TECPR2: variants seen among roughly 807,000 people sequenced by gnomAD.
The protein encoded by TECPR2 is tectonin beta-propeller repeat containing 2.
Under a neutral mutation model 138.1 loss-of-function variants are expected in TECPR2, and 65 were observed. That is an observed-to-expected ratio of 0.47 (90% CI 0.39 to 0.58). The LOEUF (loss-of-function observed/expected upper bound fraction) is 0.58. Ranked by LOEUF, TECPR2 falls within the 20% of genes least tolerant of loss-of-function variation. The probability of loss-of-function intolerance (pLI) is 0.00; values close to 1 mark genes in which losing one functional copy is unlikely to be tolerated. For missense variants in TECPR2, 1,553 were observed against 1,824.5 expected (o/e 0.85, Z 2.71); for synonymous variants, 746 against 749.8 (o/e 0.99, Z 0.08).
intron 4 of TECPR2, among the ~76,000 whole-genome samples, chr14:102,412,123 C>CTTTTTTTT (rs751930335): frequency 1.4e-4 from 13 of 90,670 alleles, no homozygotes; most frequent in South Asian, 3.8e-4. Context: ...AATGTTGACA[C>CTTTTTTTT]TTTTTTTTTT....
chr14:102,492,462 G>C (rs542357784), intron 17 of TECPR2, among the ~76,000 whole-genome samples: 48 of 152,366 alleles, frequency 3.2e-4, no homozygotes, highest in African/African-American at 9.9e-4. Flanking sequence ...TGTGCACTTA[G>C]GATTTGTGTA....
intron 5 of TECPR2, among the ~76,000 whole-genome samples, chr14:102,422,689 A>G (rs184148558): frequency 2.0e-5 from 3 of 152,372 alleles, no homozygotes; most frequent in Admixed American, 2.0e-4. Context: ...TAAAGGCAAA[A>G]TGCAGTCCAG....
Position 102,497,106 on chromosome 14 carries a change from G to A in TECPR2, c.3917G>A (p.Trp1306Ter). The A allele has an allele frequency of 6.2e-7, 1 of 1,611,760 alleles. No homozygotes were observed. Among genetic ancestry groups the A allele is most frequent in the East Asian group, 2.2e-5 (1 of 44,882 alleles). ...GAGGAGATGCCTGTGGGGACCGCCT[G>A]GGAGCATGTGCCAGGTAGGAGCCTG... is the stretch of plus-strand genomic sequence containing the variant. Reference protein sequence around the residue: ...ITEEMPVGTAWEHVPGLQACQ... With the variant: ...ITEEMPVGTA Residue 1306 changes from tryptophan to a stop codon, truncating the protein, a stop_gained, in exon 18 of 20, where the codon TGG (tryptophan) becomes TAG (stop). Transcript: ENST00000359520. LOFTEE classifies it high-confidence loss of function.
At chr14:102,438,645 T>C (rs1026815341) in intron 10 of TECPR2, among the ~76,000 whole-genome samples, 17 of 152,178 alleles carry the variant, frequency 1.1e-4, no homozygotes, top group Non-Finnish European at 2.5e-4. Context: ...ATTCCAATTA[T>C]TTGGCTTCCT....
intron 15 of TECPR2, among the ~76,000 whole-genome samples, chr14:102,451,596 C>T (rs572821773): frequency 2.0e-5 from 3 of 152,230 alleles, no homozygotes; most frequent in Admixed American, 2.0e-4. Context: ...GATGTTACCG[C>T]ACTTCACCGG....
chr14:102,411,717 A>AC lies in TECPR2; in HGVS notation c.481-2919_481-2918insC, dbSNP rs1305490186. On this transcript the variant is annotated intron_variant, in intron 4 of 19. Transcript: ENST00000359520. ...TGTTGCTCAAAAAAAAAAAAAAAAA[A>AC]AAAAAAAAAAAAAAGAAGATGGCTG... Among the ~76,000 whole-genome samples the AC allele has an allele frequency of 3.7e-4, 51 of 137,788 alleles. 4 individuals are homozygous for AC. The highest frequency in any genetic ancestry group is 1.4e-3 in the African/African-American group (50 of 36,664). 90.4% of individuals were successfully genotyped at this position (137,788 alleles called of 152,430 possible).
intron 17 of TECPR2, among the ~76,000 whole-genome samples, chr14:102,473,037 C>T (rs1595142994): frequency 1.3e-5 from 2 of 152,264 alleles, no homozygotes; most frequent in South Asian, 2.1e-4. Context: ...GAAGTGACTG[C>T]GTCTTTCCCC....
intron 2 of TECPR2, among the ~76,000 whole-genome samples, chr14:102,385,813 G>A (rs1383410668): frequency 6.6e-6 from 1 of 151,922 alleles, no homozygotes; most frequent in Non-Finnish European, 1.5e-5. Context: ...GCGTGTACCT[G>A]TAGTCCCAGC....
intron 2 of TECPR2, among the ~76,000 whole-genome samples, chr14:102,378,585 C>T (rs1211867780): frequency 6.6e-6 from 1 of 152,046 alleles, no homozygotes; most frequent in Non-Finnish European, 1.5e-5. Context: ...GCAGCACCAT[C>T]ATGTGAACTT....
intron 15 of TECPR2, among the ~76,000 whole-genome samples, 159 bp downstream of exon 15, chr14:102,450,808 G>C (rs898262390): frequency 6.6e-6 from 1 of 152,194 alleles, no homozygotes; most frequent in Non-Finnish European, 1.5e-5. Flanking sequence ...TAGCTGAGCC[G>C]AGGGCCCTGA....
intron 17 of TECPR2, among the ~76,000 whole-genome samples, chr14:102,482,673 C>T (rs559243835): frequency 6.6e-6 from 1 of 152,182 alleles, no homozygotes; most frequent in East Asian, 1.9e-4. Flanking sequence ...TGGTTGGTGA[C>T]TTTTTGGAGG....
intron 2 of TECPR2, among the ~76,000 whole-genome samples, chr14:102,396,888 C>T (rs985228668): frequency 2.0e-4 from 31 of 152,196 alleles, no homozygotes; most frequent in African/African-American, 6.3e-4. Flanking sequence ...CGTAGAGGTG[C>T]AGACAAAGAG....
intron 7 of TECPR2, among the ~76,000 whole-genome samples, chr14:102,428,676 C>T (rs536508281): frequency 1.3e-5 from 2 of 152,176 alleles, no homozygotes; most frequent in African/African-American, 4.8e-5. Context: ...GTGGGAGGAT[C>T]GCTTGAGCCT....
At chr14:102,450,447 A>T in intron 14 of TECPR2, 113 bp from the exon 15 acceptor site, 1 of 989,796 alleles carries the variant, frequency 1.0e-6, no homozygotes, top group Non-Finnish European at 1.6e-6. Context: ...GGGACACTCT[A>T]GAATTATCTG....
At chr14:102,480,624 A>C (rs1218009286) in intron 17 of TECPR2, among the ~76,000 whole-genome samples, 1 of 151,958 alleles carries the variant, frequency 6.6e-6, no homozygotes, top group African/African-American at 2.4e-5. Flanking sequence ...GGCTCAAACA[A>C]TACTCCTGCC....
intron 2 of TECPR2, among the ~76,000 whole-genome samples, chr14:102,398,063 A>C (rs1424336234): frequency 1.4e-5 from 2 of 141,962 alleles, no homozygotes; most frequent in East Asian, 4.3e-4. Context: ...ACAGAGACAG[A>C]TTCTGTCTCA....
intron 1 of TECPR2, among the ~76,000 whole-genome samples, chr14:102,374,234 A>G (rs1567313502): frequency 1.3e-5 from 2 of 152,122 alleles, no homozygotes; most frequent in Non-Finnish European, 2.9e-5. Flanking sequence ...AGAATTTTAT[A>G]TTTAATATTT....
chr14:102,497,478 T>G, intron 18 of TECPR2, 92 bp from the exon 19 acceptor site: 2 of 1,387,546 alleles, frequency 1.4e-6, no homozygotes, highest in Non-Finnish European at 1.9e-6. Flanking sequence ...GGGACCCTGG[T>G]GGAGGTGTGC....
chr14:102,450,506 G>A (rs1890109997), intron 14 of TECPR2, 54 bp from the exon 15 acceptor site: 2 of 1,564,426 alleles, frequency 1.3e-6, no homozygotes, highest in Non-Finnish European at 1.8e-6. Context: ...GATCTGAAGT[G>A]GTTTTGTCTA....
Sources: allele counts gnomAD v4.1 joint callset (sites outside exome capture counted in the v4.1 genomes callset), GRCh38; gene constraint gnomAD v4.1.1; transcripts MANE v1.5; gene names NCBI Gene and HGNC (gene_info 2026-07-23, HGNC 2026-07-21).